TBL1Y: variants seen among roughly 807,000 people sequenced by gnomAD.
The protein encoded by TBL1Y is transducin beta like 1 Y-linked.
Under a neutral mutation model 12.0 loss-of-function variants are expected in TBL1Y, and 15 were observed. The ratio of observed to expected loss-of-function variants is 1.25; its 90% CI spans 0.83 to 1.92. The LOEUF is 1.92. TBL1Y is among the 40% of genes most tolerant of loss of function. TBL1Y has a pLI of 0.00. For synonymous variants in TBL1Y, 53 were observed against 42.6 expected (o/e 1.24, Z -0.95); for missense variants, 148 against 116.7 (o/e 1.27, Z -1.24).
At chrY:6,959,777 G>T (rs2012110187) in intron 2 of TBL1Y, among the ~76,000 whole-genome samples, 2 of 33,513 alleles carry the variant, frequency 6.0e-5, no homozygotes, top group Non-Finnish European at 1.5e-4. Context: ...TTCATTATAG[G>T]CTTGAAGTGT....
chrY:7,025,174 T>C, intron 6 of TBL1Y, 32 bp downstream of exon 6: 1 of 373,716 alleles, frequency 2.7e-6, no homozygotes, highest in Non-Finnish European at 3.8e-6. Context: ...TGGGAGGAAA[T>C]TCATCCTGAG....
At chrY:6,982,607 C>A (rs2012293615) in intron 3 of TBL1Y, among the ~76,000 whole-genome samples, 1 of 33,930 alleles carries the variant, frequency 2.9e-5, no homozygotes, top group African/African-American at 1.1e-4. Flanking sequence ...AGTCTTTTTG[C>A]TTCACCTGCA....
chrY:6,988,267 A>G, intron 3 of TBL1Y, among the ~76,000 whole-genome samples: 4 of 33,716 alleles, frequency 1.2e-4, no homozygotes, highest in Non-Finnish European at 2.2e-4. Context: ...CTTTCTGTTA[A>G]AAAAATTACA....
At chrY:6,920,078 C>T (rs2011765124) in intron 2 of TBL1Y, 1 of 33,393 alleles carries the variant, frequency 3.0e-5, no homozygotes, top group African/African-American at 1.2e-4. Context: ...CTTCAGGCAA[C>T]ACCAAAAGAA....
intron 3 of TBL1Y, among the ~76,000 whole-genome samples, chrY:6,982,911 C>T: frequency 6.1e-5 from 2 of 32,825 alleles, no homozygotes; most frequent in Non-Finnish European, 1.5e-4. Context: ...ATCTAAGTGT[C>T]ATGCTCCTTA....
chrY:6,977,079 G>C, intron 2 of TBL1Y, among the ~76,000 whole-genome samples: 2 of 33,411 alleles, frequency 6.0e-5, no homozygotes, highest in Non-Finnish European at 1.5e-4. Flanking sequence ...GCAGAGAGTT[G>C]TTAAGAGATG....
chrY:7,002,777 A>G (rs915816704), intron 4 of TBL1Y, among the ~76,000 whole-genome samples: 1 of 33,846 alleles, frequency 3.0e-5, no homozygotes, highest in Non-Finnish European at 7.3e-5. Flanking sequence ...CACTTTTGCA[A>G]CATATCTTAC....
intron 3 of TBL1Y, among the ~76,000 whole-genome samples, chrY:6,978,947 A>AT (rs2012263880): frequency 3.2e-5 from 1 of 31,652 alleles, no homozygotes; most frequent in African/African-American, 1.2e-4. Flanking sequence ...CATTATTATT[A>AT]TTTTTGAGAC....
chrY:7,080,960 T>A, intron 14 of TBL1Y, 107 bp downstream of exon 14: 1 of 345,888 alleles, frequency 2.9e-6, no homozygotes, highest in Non-Finnish European at 4.1e-6. Context: ...GACCATTTCT[T>A]CTGCAGCCCT....
chrY:6,998,080 G>A, intron 4 of TBL1Y, among the ~76,000 whole-genome samples: 1 of 34,035 alleles, frequency 2.9e-5, no homozygotes, highest in Non-Finnish European at 7.3e-5. Flanking sequence ...GCAGCATCAT[G>A]TGCAGCAATT....
intron 2 of TBL1Y, among the ~76,000 whole-genome samples, chrY:6,944,708 G>T: frequency 1.5e-4 from 5 of 33,516 alleles, no homozygotes; most frequent in Admixed American, 1.1e-3. Context: ...TGTTCTCCAG[G>T]TTCATCAACA....
At chrY:7,011,331 A>T (rs573227401) in intron 4 of TBL1Y, among the ~76,000 whole-genome samples, 12 of 34,124 alleles carry the variant, frequency 3.5e-4, no homozygotes, top group African/African-American at 9.1e-4. Context: ...GGGCAACATG[A>T]CCCCAATTGA....
chrY:7,037,748 A>G, intron 6 of TBL1Y, among the ~76,000 whole-genome samples: 1 of 34,377 alleles, frequency 2.9e-5, no homozygotes, highest in Non-Finnish European at 7.2e-5. Context: ...CGCATGATGT[A>G]GACAATTTAG....
At chrY:7,005,274 A>T in intron 4 of TBL1Y, among the ~76,000 whole-genome samples, 1 of 32,580 alleles carries the variant, frequency 3.1e-5, no homozygotes, top group Non-Finnish European at 7.5e-5. Flanking sequence ...TACTCACTTA[A>T]AAAAATTAGC....
rs200058791 is a variant in TBL1Y, at chrY:7,059,486, A to G, written c.205-4411A>G. ...TTCCACTGTATGAACAGGAGTCTCC[A>G]TGGTTAGCAGCACAAAGTAGATTCC... is the stretch of plus-strand genomic sequence containing the variant. On this transcript the variant is annotated intron_variant, in intron 7 of 18. Coordinates refer to ENST00000383032, the MANE Select transcript of TBL1Y (RefSeq NM_033284.2). 0.02 allele frequency among the ~76,000 whole-genome samples: 647 copies of G among 32,355 alleles called. No homozygotes were observed. In the East Asian group the frequency reaches 0.71, roughly 35 times the overall value. 86.8% of individuals were successfully genotyped at this position (32,355 alleles called of 37,273 possible).
intron 2 of TBL1Y, among the ~76,000 whole-genome samples, chrY:6,916,657 G>A (rs1050106836): frequency 6.2e-5 from 2 of 32,458 alleles, no homozygotes; most frequent in Admixed American, 2.9e-4. Flanking sequence ...GGAGGTGGAG[G>A]TTGCAGTGAC....
At chrY:7,064,681 G>C (rs751726528) in intron 8 of TBL1Y, among the ~76,000 whole-genome samples, 2 of 33,557 alleles carry the variant, frequency 6.0e-5, no homozygotes, top group South Asian at 1.4e-3. Context: ...TGCCCCACTT[G>C]GACATACTAC....
rs765818271 is a variant in TBL1Y, at chrY:6,976,295, G to GT, written c.-265-1910dup. Among the ~76,000 whole-genome samples the GT allele has an allele frequency of 3.6e-4, 12 of 32,996 alleles. No individual in the cohort carries two copies. In the East Asian group the frequency reaches 5.6e-3, roughly 16 times the overall value. The allele number at this position is 32,996 out of a possible 37,273, so 88.5% of individuals were successfully genotyped here. A position where few individuals can be genotyped will look rare whatever the true frequency, so the allele number is the denominator to read the frequency against. ...TGAAAATGAGGTATTGGAAGTAAAA[G>GT]TTTTTTTTGTGTCCCATGAAACATG... is the stretch of plus-strand genomic sequence containing the variant. On this transcript the variant is annotated intron_variant, in intron 2 of 18. Transcript: ENST00000383032.
chrY:7,072,658 G>A (rs768950215), intron 12 of TBL1Y, among the ~76,000 whole-genome samples: 2 of 34,568 alleles, frequency 5.8e-5, no homozygotes, highest in Non-Finnish European at 1.5e-4. Flanking sequence ...CTACGAAGCC[G>A]TTTAGAATTG....
Sources: allele counts gnomAD v4.1 joint callset (sites outside exome capture counted in the v4.1 genomes callset), GRCh38; gene constraint gnomAD v4.1.1; transcripts MANE v1.5; gene names NCBI Gene and HGNC (gene_info 2026-07-23, HGNC 2026-07-21).